The following INPP5D variants were observed in gnomAD, a reference collection of about 807,000 sequenced individuals.
The protein encoded by INPP5D is phosphatidylinositol 3,4,5-trisphosphate 5-phosphatase 1.
Under a neutral mutation model 122.9 loss-of-function variants are expected in INPP5D, and 33 were observed. That is an observed-to-expected ratio of 0.27 (90% confidence interval 0.20 to 0.36). The LOEUF (loss-of-function observed/expected upper bound fraction) is 0.36. INPP5D is among the 10% of genes least tolerant of loss of function. INPP5D has a pLI of 1.00. For synonymous variants in INPP5D, 584 were observed against 576.2 expected (o/e 1.01, Z -0.19); for missense variants, 1,053 against 1,412.7 (o/e 0.75, Z 4.08).
At chr2:233,190,955 A>G (rs1695041940) in intron 22 of INPP5D, among the ~76,000 whole-genome samples, 1 of 152,250 alleles carries the variant, frequency 6.6e-6, no homozygotes, top group Admixed American at 6.5e-5. Flanking sequence ...GTGAGCCAGA[A>G]TAGAAGTAGT....
In INPP5D at chr2:233,158,463, G is replaced by A. The variant is rs1174414042; in HGVS notation, c.1137+44G>A. On this transcript the variant is annotated intron_variant, in intron 10 of 26. Coordinates refer to ENST00000445964, the MANE Select transcript of INPP5D (RefSeq NM_001017915.3). ...CTAAAATGGGCTGTGAGGTAGGGAG[G>A]GGACACAAGCGTTTTGAGGCTCGCT... 7 of 680,548 alleles carry A rather than the reference G, an allele frequency of 1.0e-5. 1 individual carries two copies. Among genetic ancestry groups the A allele is most frequent in the South Asian group, 9.5e-5 (6 of 63,468 alleles). 42.2% of individuals were successfully genotyped at this position (680,548 alleles called of 1,614,324 possible).
At chr2:233,157,613 TGCATTG>T (rs1694087656) in intron 9 of INPP5D, among the ~76,000 whole-genome samples, 1 of 152,066 alleles carries the variant, frequency 6.6e-6, no homozygotes, top group Admixed American at 6.6e-5. Flanking sequence ...ACTGAAATTA[TGCATTG>T]GCAGGGAGTC....
chr2:233,099,910 G>A (rs1283786320), intron 2 of INPP5D, among the ~76,000 whole-genome samples: 15 of 152,186 alleles, frequency 9.9e-5, no homozygotes, highest in African/African-American at 3.4e-4. Flanking sequence ...TACAATCATG[G>A]CGGAAGGTGA....
chr2:233,205,699 T>G (rs1302403616), intron 26 of INPP5D: 2 of 152,122 alleles, frequency 1.3e-5, no homozygotes, highest in Non-Finnish European at 2.9e-5. Flanking sequence ...ACTTGAAAAT[T>G]TCCCAATATT....
intron 26 of INPP5D, chr2:233,205,006 C>T (rs1695456283): frequency 2.4e-6 from 1 of 417,646 alleles, no homozygotes; most frequent in African/African-American, 2.1e-5. Context: ...TGTGGATAAA[C>T]TTAGTCTAGT....
intron 4 of INPP5D, 132 bp from the exon 5 acceptor site, chr2:233,130,376 A>G: frequency 5.0e-6 from 5 of 997,094 alleles, no homozygotes; most frequent in East Asian, 2.6e-5. Flanking sequence ...GTTTGCAAAC[A>G]TTCTTCTGAA....
chr2:233,166,885 G>A (rs558210411), intron 13 of INPP5D, among the ~76,000 whole-genome samples: 1 of 152,206 alleles, frequency 6.6e-6, no homozygotes, highest in Admixed American at 6.5e-5. Flanking sequence ...TTGGGAGGCT[G>A]AGGCAGGAGA....
rs894576940 is a variant in INPP5D, at chr2:233,160,636, G to GTTTCT, written c.1138-1077_1138-1073dup. 4.6e-5 allele frequency among the ~76,000 whole-genome samples: 7 copies of GTTTCT among 151,030 alleles called. No homozygotes were observed. Among genetic ancestry groups the GTTTCT allele is most frequent in the African/African-American group, 1.5e-4 (6 of 40,942 alleles). On this transcript the variant is annotated intron_variant, in intron 10 of 26. Coordinates refer to ENST00000445964, the MANE Select transcript of INPP5D (RefSeq NM_001017915.3). The surrounding 1 kb of genome is among the most constrained non-coding windows in gnomAD (Gnocchi z 4.2). ...CCTTCCCTTCTTTCTTTCTTTTTCTGTTTCTTTTCTTTTCTGAGACAGGGT... is the reference window on the plus strand; with the variant it reads ...CCTTCCCTTCTTTCTTTCTTTTTCTGTTTCTTTTCTTTTCTTTTCTGAGACAGGGT...
intron 2 of INPP5D, among the ~76,000 whole-genome samples, chr2:233,096,066 T>G (rs1172449974): frequency 6.6e-6 from 1 of 152,238 alleles, no homozygotes; most frequent in African/African-American, 2.4e-5. Context: ...TTTTTTGTTG[T>G]TCTCACTACA....
At chr2:233,127,702 G>A (rs1443062076) in intron 4 of INPP5D, among the ~76,000 whole-genome samples, 2 of 152,150 alleles carry the variant, frequency 1.3e-5, no homozygotes, top group Non-Finnish European at 2.9e-5. Context: ...TCCCCCTCCC[G>A]GGTTCAAGTG....
intron 5 of INPP5D, chr2:233,131,319 C>G (rs1693318398): frequency 5.5e-6 from 1 of 181,958 alleles, no homozygotes. Flanking sequence ...ATTTTAAATG[C>G]CAAAAGCTTG....
intron 26 of INPP5D, chr2:233,205,368 A>C (rs2106331550): frequency 6.6e-6 from 1 of 151,738 alleles, no homozygotes; most frequent in Non-Finnish European, 1.5e-5. Context: ...AAAAAAATTA[A>C]AAAACAACAA....
intron 21 of INPP5D, among the ~76,000 whole-genome samples, chr2:233,187,116 C>T (rs760233858): frequency 2.0e-5 from 3 of 151,772 alleles, no homozygotes; most frequent in Non-Finnish European, 4.4e-5. Flanking sequence ...CCTAGGAGAT[C>T]CAGGCTGCAG....
Position 233,061,480 on chromosome 2 carries a change from G to A in INPP5D, c.134+868G>A, listed in dbSNP as rs531146912. Reference sequence around the variant, plus strand: ...GGGCCTCAGGCAGTGCCGGAGTGTAGTCAGGGAAATGTGTGTCCACCTGAA... The same window carrying A: ...GGGCCTCAGGCAGTGCCGGAGTGTAATCAGGGAAATGTGTGTCCACCTGAA... On this transcript the variant is annotated intron_variant, in intron 1 of 26. Coordinates refer to ENST00000445964, the MANE Select transcript of INPP5D (RefSeq NM_001017915.3). Among the ~76,000 whole-genome samples the A allele has an allele frequency of 2.5e-3, 381 of 152,196 alleles. 1 individual carries two copies. The highest frequency in any genetic ancestry group is 8.9e-3 in the African/African-American group (370 of 41,504).
At position 233,204,241 on chromosome 2, in the gene INPP5D, C is replaced by T. The variant is rs1253777075; in HGVS notation, c.3091C>T (p.Pro1031Ser). 2 of 1,613,596 alleles carry T rather than the reference C, an allele frequency of 1.2e-6. No homozygotes were observed. Among genetic ancestry groups the T allele is most frequent in the Non-Finnish European group, 1.7e-6 (2 of 1,179,864 alleles). The change falls in exon 26 of 27, where the codon CCT (proline) becomes TCT (serine). Residue 1031 changes from proline to serine, a missense_variant. Physicochemically the swap from Pro to Ser is moderately conservative, Grantham distance 74 (BLOSUM62 -1). Coordinates refer to ENST00000445964, the MANE Select transcript of INPP5D (RefSeq NM_001017915.3). ...LYGSLSSFPK[P>S]APRKDQESPK... is the part of the protein sequence containing the mutation. ...TGGGTCCCTGAGTTCCTTCCCTAAG[C>T]CTGCTCCCAGGAAGGACCAGGAATC...
At chr2:233,153,665 T>A (rs935160212) in intron 9 of INPP5D, among the ~76,000 whole-genome samples, 8 of 152,150 alleles carry the variant, frequency 5.3e-5, no homozygotes, top group African/African-American at 1.9e-4. Flanking sequence ...GGAAGTCTAT[T>A]TAAAGACAGT....
intron 9 of INPP5D, among the ~76,000 whole-genome samples, chr2:233,150,449 C>T (rs1693893251): frequency 6.6e-6 from 1 of 152,116 alleles, no homozygotes; most frequent in Non-Finnish European, 1.5e-5. Flanking sequence ...TATAAATTAC[C>T]CAGTCTTGGG....
chr2:233,194,878 T>C (rs930980356), intron 23 of INPP5D, among the ~76,000 whole-genome samples: 1 of 152,048 alleles, frequency 6.6e-6, no homozygotes, highest in Admixed American at 6.6e-5. Flanking sequence ...CTCAGATCAC[T>C]GCAACCTCCG....
At position 233,155,897 on chromosome 2, in the gene INPP5D, A is replaced by G. The variant is rs146948838; in HGVS notation, c.1031-2416A>G. ...ATCCTAAAAATGTTCAGAGCAAAAG[A>G]TAGATTACGCCCTGTGTCAGGGGCC... On this transcript the variant is annotated intron_variant, in intron 9 of 26. Coordinates refer to ENST00000445964, the MANE Select transcript of INPP5D (RefSeq NM_001017915.3). Among the ~76,000 whole-genome samples the G allele has an allele frequency of 1.1e-3, 166 of 152,264 alleles. 1 individual carries two copies. Among genetic ancestry groups the G allele is most frequent in the African/African-American group, 3.5e-3 (146 of 41,550 alleles).
Sources: allele counts gnomAD v4.1 joint callset (sites outside exome capture counted in the v4.1 genomes callset), GRCh38; gene constraint gnomAD v4.1.1; non-coding constraint Gnocchi (gnomAD v3.1); transcripts MANE v1.5; gene names NCBI Gene and HGNC (gene_info 2026-07-23, HGNC 2026-07-21).